The following DERPC variants were observed in gnomAD, a reference collection of about 807,000 sequenced individuals.
DERPC encodes DERPC proline and glycine rich nuclear protein, also known as decreased expression in renal and prostate cancer protein.
A neutral mutation model predicts 7.2 loss-of-function variants in DERPC; 1 was observed. The observed-to-expected ratio is 0.14, with a 90% CI of 0.05 to 0.66. The LOEUF (loss-of-function observed/expected upper bound fraction) is 0.66, where lower values mean the gene tolerates loss of function less well. DERPC is among the 30% of genes least tolerant of loss of function. The probability of loss-of-function intolerance (pLI) is 0.84; values close to 1 mark genes in which losing one functional copy is unlikely to be tolerated. For synonymous variants in DERPC, 185 were observed against 117.6 expected, an observed-to-expected ratio of 1.57 and a Z score of -3.71; for missense variants, 502 against 299.4, an observed-to-expected ratio of 1.68 and a Z score of -4.99.
rs111377027 is a variant in DERPC, at chr16:69,119,695, G to A, written c.734C>T (p.Pro245Leu). The A allele has an allele frequency of 2.9e-6, 2 of 678,226 alleles. No homozygotes were observed. The highest frequency in any genetic ancestry group is 5.4e-6 in the Non-Finnish European group (2 of 371,412). The allele number at this position is 678,226 out of a possible 1,614,324, so 42.0% of individuals were successfully genotyped here. The change falls in exon 3 of 3, where the codon CCA (proline) becomes CTA (leucine). Residue 245 changes from proline to leucine, a missense_variant. By Grantham distance (98) the Pro-to-Leu change is moderately conservative. Coordinates refer to ENST00000519520, the MANE Select transcript of DERPC (RefSeq NM_001002847.4). ...TGCTCTGGCATCTAGATTAGGGCCT[G>A]GGCCCAGGCCACTTGGTCTTGGGTT... is the stretch of plus-strand genomic sequence containing the variant. ...GPNPRPSGLG[P>L]GPNLDARAGG...
At chr16:69,125,186 G>T (rs1487503115) in intron 1 of DERPC, among the ~76,000 whole-genome samples, 2 of 152,196 alleles carry the variant, frequency 1.3e-5, no homozygotes, top group Admixed American at 1.3e-4. Context: ...TTACAGGCTT[G>T]AGTCATTGCG....
chr16:69,122,146 T>C (rs1296471237), intron 1 of DERPC, among the ~76,000 whole-genome samples: 1 of 152,188 alleles, frequency 6.6e-6, no homozygotes, highest in Non-Finnish European at 1.5e-5. Context: ...TTAGACACAT[T>C]TTATCTTGTT....
rs1447150861 is a variant in DERPC at position 69,119,103 on chromosome 16, G to A, written c.1326C>T (p.Pro442=). 1 of 703,056 alleles carries A rather than the reference G, an allele frequency of 1.4e-6. No homozygotes were observed. Among genetic ancestry groups the A allele is most frequent in the Admixed American group, 2.0e-5 (1 of 50,026 alleles). The allele number at this position is 703,056 out of a possible 1,614,324, so 43.6% of individuals were successfully genotyped here. Residue 442 remains proline, a synonymous_variant, in exon 3 of 3, where the codon CCC becomes CCT. Coordinates refer to ENST00000519520, the MANE Select transcript of DERPC (RefSeq NM_001002847.4). ...GGCCCAGATGCCCGGCAGCTGGCCT[G>A]GGGAAAGTAACTTGACCAGGGCCTA... ...GPLGPGQVTF[P]RPAAGHLGPS... is the part of the protein sequence containing the mutation.
At position 69,120,659 on chromosome 16, in the gene DERPC, A is replaced by G. The variant is rs764061264; in HGVS notation, c.-221-10T>C. 6.2e-7 allele frequency: 1 copy of G among 1,601,650 alleles called. No homozygotes were observed. Among genetic ancestry groups the G allele is most frequent in the Non-Finnish European group, 8.5e-7 (1 of 1,170,330 alleles). On this transcript the variant is annotated splice_polypyrimidine_tract_variant and intron_variant, in intron 2 of 2. Transcript: ENST00000519520. The surrounding 1 kb of genome is among the most constrained non-coding windows in gnomAD (Gnocchi z 4.0). The stretch of plus-strand genomic sequence containing the variant: ...TCAGCACAGGGATTCCCTTTGGCAG[A>G]ACAAGAACGAGATTCCTGAGGTTCC...
Position 69,118,814 on chromosome 16 carries a change from G to C in DERPC, c.*40C>G, listed in dbSNP as rs1462380571. 2 of 674,822 alleles carry C rather than the reference G, an allele frequency of 3.0e-6. No individual in the cohort carries two copies. Among genetic ancestry groups the C allele is most frequent in the East Asian group, 5.4e-5 (2 of 37,098 alleles). The allele number at this position is 674,822 out of a possible 1,614,324, so 41.8% of individuals were successfully genotyped here. A position where few individuals can be genotyped will look rare whatever the true frequency, so the allele number is the denominator to read the frequency against. On this transcript the variant is annotated 3_prime_UTR_variant, in exon 3 of 3. Coordinates refer to ENST00000519520, the MANE Select transcript of DERPC (RefSeq NM_001002847.4). ...AAGACAGCCCCTGCCAAGAACCACAGTGCCTAGAAACCAAGGTGGTCCTGG... is the reference window on the plus strand; with the variant it reads ...AAGACAGCCCCTGCCAAGAACCACACTGCCTAGAAACCAAGGTGGTCCTGG...
rs1488920132 is a variant in DERPC, at chr16:69,118,792, A to G, written c.*62T>C. 11 of 655,386 alleles carry G rather than the reference A, an allele frequency of 1.7e-5. No individual in the cohort carries two copies. In the East Asian group the frequency reaches 3.0e-4, roughly 18 times the overall value. The allele number at this position is 655,386 out of a possible 1,614,324, so 40.6% of individuals were successfully genotyped here. On this transcript the variant is annotated 3_prime_UTR_variant, in exon 3 of 3. Coordinates refer to ENST00000519520, the MANE Select transcript of DERPC (RefSeq NM_001002847.4). The stretch of plus-strand genomic sequence containing the variant: ...CTCCACAACTACCCTTTTACCTAAG[A>G]CAGCCCCTGCCAAGAACCACAGTGC...
In DERPC at chr16:69,118,366, A is replaced by AGGT. The variant is rs1484234390; in HGVS notation, c.*485_*487dup. ...GTTCTGTGTTCAAGCCCCCAGGGAA[A>AGGT]GGTATGGCAGTAGAGGATGACCAGG... On this transcript the variant is annotated 3_prime_UTR_variant, in exon 3 of 3. Coordinates refer to ENST00000519520, the MANE Select transcript of DERPC (RefSeq NM_001002847.4). 1.2e-6 allele frequency: 2 copies of AGGT among 1,606,626 alleles called. No individual in the cohort carries two copies. The highest frequency in any genetic ancestry group is 1.7e-6 in the Non-Finnish European group (2 of 1,173,210).
At chr16:69,123,626 C>T (rs1412560829) in intron 1 of DERPC, among the ~76,000 whole-genome samples, 6 of 151,992 alleles carry the variant, frequency 3.9e-5, no homozygotes, top group East Asian at 1.9e-4. Context: ...CCACCCTGGG[C>T]GACAGAGTGA....
Position 69,120,027 on chromosome 16 carries a change from C to G in DERPC, c.402G>C (p.Gly134=), listed in dbSNP as rs1961507940. The change falls in exon 3 of 3, where the codon GGG becomes GGC. Residue 134 remains glycine (G), a synonymous_variant. Coordinates refer to ENST00000519520, the MANE Select transcript of DERPC (RefSeq NM_001002847.4). The surrounding 1 kb of genome is among the most constrained non-coding windows in gnomAD (Gnocchi z 4.0). ...GPGPTLNPRT[G]ALPGPGPLSN... ...ACAGAGGCCCTGGGCCTGGCAGAGC[C>G]CCTGTCCTAGGGTTTAGGGTGGGGC... 5 of 690,068 alleles carry G rather than the reference C, an allele frequency of 7.2e-6. No homozygotes were observed. The South Asian group carries it at 7.5e-5, about 10-fold the overall frequency. 42.7% of individuals were successfully genotyped at this position (690,068 alleles called of 1,614,324 possible).
intron 1 of DERPC, among the ~76,000 whole-genome samples, chr16:69,123,786 A>G (rs968702449): frequency 3.3e-5 from 5 of 152,146 alleles, no homozygotes; most frequent in African/African-American, 1.2e-4. Flanking sequence ...AATATCTTAG[A>G]TAATTAGATA....
chr16:69,120,128 C>T lies in DERPC; in HGVS notation c.301G>A (p.Gly101Arg). 1 of 701,356 alleles carries T rather than the reference C, an allele frequency of 1.4e-6. No homozygotes were observed. The highest frequency in any genetic ancestry group is 1.7e-5 in the African/African-American group (1 of 57,302). The allele number at this position is 701,356 out of a possible 1,614,324, so 43.4% of individuals were successfully genotyped here. ...GCACCTGTGCCAGTGGGATTCATCC[C>T]TCTTGGAAAAGAAGCCATACTTGGG... ...RDPSMASFPR[G>R]MNPTGTGAVS... The change falls in exon 3 of 3, where the codon GGG (glycine) becomes AGG (arginine). Residue 101 changes from glycine (G) to arginine (R), a missense_variant. Coordinates refer to ENST00000519520, the MANE Select transcript of DERPC (RefSeq NM_001002847.4). This position sits in a 1 kb window ranked among gnomAD's most constrained non-coding sequence, Gnocchi z 4.0.
In DERPC at chr16:69,120,998, C is replaced by T. The variant is rs781490424; in HGVS notation, c.-221-349G>A. On this transcript the variant is annotated intron_variant, in intron 2 of 2. Transcript: ENST00000519520. The surrounding 1 kb of genome is among the most constrained non-coding windows in gnomAD (Gnocchi z 4.0). ...TCACTCTGGGTCCTGGGAGCACCAC[C>T]TTGGTGTAGCTTGCTTTCCTGAGGC... is the stretch of plus-strand genomic sequence containing the variant. 1.4e-6 allele frequency: 2 copies of T among 1,471,408 alleles called. No individual in the cohort carries two copies. The highest frequency in any genetic ancestry group is 1.9e-6 in the Non-Finnish European group (2 of 1,049,698). The allele number at this position is 1,471,408 out of a possible 1,614,324, so 91.1% of individuals were successfully genotyped here.
intron 1 of DERPC, among the ~76,000 whole-genome samples, chr16:69,123,385 C>T (rs1015860161): frequency 1.3e-5 from 2 of 152,246 alleles, no homozygotes; most frequent in South Asian, 2.1e-4. Flanking sequence ...GGGCCAGGCG[C>T]GGTGTCTCAG....
chr16:69,131,454 C>T (rs1246782546), intron 1 of DERPC: 1 of 151,222 alleles, frequency 6.6e-6, no homozygotes, highest in Non-Finnish European at 1.5e-5. Context: ...TCTAGCCCGG[C>T]GTAGAGTCTC....
intron 1 of DERPC, among the ~76,000 whole-genome samples, chr16:69,130,685 A>G (rs1962434859): frequency 6.6e-6 from 1 of 152,240 alleles, no homozygotes. Flanking sequence ...TGTCTGACAC[A>G]TGGTAAGCCT....
At position 69,119,770 on chromosome 16, in the gene DERPC, G is replaced by T. The variant is rs1351932714; in HGVS notation, c.659C>A (p.Thr220Lys). The T allele has an allele frequency of 1.4e-6, 1 of 698,782 alleles. No individual in the cohort carries two copies. The highest frequency in any genetic ancestry group is 2.6e-6 in the Non-Finnish European group (1 of 382,752). The allele number at this position is 698,782 out of a possible 1,614,324, so 43.3% of individuals were successfully genotyped here. A position where few individuals can be genotyped will look rare whatever the true frequency, so the allele number is the denominator to read the frequency against. Residue 220 changes from threonine to lysine, a missense_variant, in exon 3 of 3, where the codon ACA becomes AAA. Thr to Lys is a moderately conservative substitution (Grantham distance 78, BLOSUM62 -1). Transcript: ENST00000519520. ...NPNLRSGFLGTNPAPRSGVFP... is the reference protein window; with the variant it reads ...NPNLRSGFLGKNPAPRSGVFP... Reference sequence around the variant, plus strand: ...CACACCTGACCTGGGGGCAGGGTTTGTCCCTAAAAAGCCTGATCTCAGATT... The same window carrying T: ...CACACCTGACCTGGGGGCAGGGTTTTTCCCTAAAAAGCCTGATCTCAGATT...
chr16:69,131,887 T>G (rs1962553808), intron 1 of DERPC, among the ~76,000 whole-genome samples: 1 of 151,148 alleles, frequency 6.6e-6, no homozygotes, highest in Non-Finnish European at 1.5e-5. Context: ...CCAACCACCC[T>G]TCCAATTACC....
At chr16:69,124,511 C>T (rs1219126274) in intron 1 of DERPC, among the ~76,000 whole-genome samples, 1 of 151,842 alleles carries the variant, frequency 6.6e-6, no homozygotes, top group African/African-American at 2.4e-5. Flanking sequence ...ACAACCTTCA[C>T]CTTCCAGCTT....
chr16:69,123,483 CCA>C (rs1417054486), intron 1 of DERPC, among the ~76,000 whole-genome samples: 2 of 151,954 alleles, frequency 1.3e-5, no homozygotes, highest in African/African-American at 2.4e-5. Flanking sequence ...ACGGTGAAAC[CCA>C]GTCTCTACTA....
Sources: allele counts gnomAD v4.1 joint callset (sites outside exome capture counted in the v4.1 genomes callset), GRCh38; gene constraint gnomAD v4.1.1; non-coding constraint Gnocchi (gnomAD v3.1); transcripts MANE v1.5; gene names NCBI Gene and HGNC (gene_info 2026-07-23, HGNC 2026-07-21).